Variants in DENND1A observed in about 807,000 individuals in gnomAD.
DENND1A encodes DENN domain containing 1A, also known as DENN domain-containing protein 1A.
Under a neutral mutation model 113.7 loss-of-function variants are expected in DENND1A, and 51 were observed. The ratio of observed to expected loss-of-function variants is 0.45; its 90% CI spans 0.36 to 0.57. DENND1A has a LOEUF of 0.57. DENND1A is among the 20% of genes least tolerant of loss of function. The pLI is 0.00. For synonymous variants in DENND1A, 565 were observed against 570.8 expected, an observed-to-expected ratio of 0.99 and a Z score of 0.14; for missense variants, 1,258 against 1,395.9, an observed-to-expected ratio of 0.90 and a Z score of 1.57.
At chr9:123,476,368 TG>T (rs2049915807) in intron 13 of DENND1A, among the ~76,000 whole-genome samples, 1 of 152,130 alleles carries the variant, frequency 6.6e-6, no homozygotes, top group Admixed American at 6.5e-5. Context: ...CTTGGGCAAG[TG>T]TCTACCCAAG....
intron 2 of DENND1A, among the ~76,000 whole-genome samples, chr9:123,837,490 GA>G: frequency 6.6e-6 from 1 of 152,206 alleles, no homozygotes; most frequent in Non-Finnish European, 1.5e-5. Flanking sequence ...TCTGAAAACT[GA>G]AAAACCAAAC....
chr9:123,424,264 C>T (rs77519162), intron 19 of DENND1A, among the ~76,000 whole-genome samples: 4 of 152,246 alleles, frequency 2.6e-5, no homozygotes, highest in East Asian at 3.9e-4. Context: ...CCCTTCCTCA[C>T]GGACTGTACT....
intron 1 of DENND1A, among the ~76,000 whole-genome samples, chr9:123,894,376 T>G (rs1401477371): frequency 6.6e-6 from 1 of 152,220 alleles, no homozygotes; most frequent in East Asian, 1.9e-4. Flanking sequence ...TTATGAGTAA[T>G]CTAAATACAC....
Position 123,654,465 on chromosome 9 carries a change from G to A in DENND1A, c.508-2342C>T, listed in dbSNP as rs138025095. Among the ~76,000 whole-genome samples the A allele has an allele frequency of 1.2e-4, 19 of 152,112 alleles. No individual in the cohort carries two copies. The East Asian group carries it at 2.9e-3, about 23-fold the overall frequency. On this transcript the variant is annotated intron_variant, in intron 8 of 23. Coordinates refer to ENST00000394215, the MANE Select transcript of DENND1A (RefSeq NM_001352964.2). ...TGCCGTCCAAATAGGGAGACACAGC[G>A]TCAGAGACAAATCCTGCGCCTTATT...
intron 1 of DENND1A, chr9:123,929,016 G>T (rs952444354): frequency 1.6e-6 from 1 of 644,654 alleles, no homozygotes. Context: ...GGCAGAGGAA[G>T]GGAGAGGCCA....
At chr9:123,554,154 C>T (rs929255971) in intron 13 of DENND1A, among the ~76,000 whole-genome samples, 40 of 152,220 alleles carry the variant, frequency 2.6e-4, no homozygotes, top group African/African-American at 8.0e-4. Flanking sequence ...ATCCTCCCCC[C>T]GATGCAGCCA....
At chr9:123,521,421 C>T (rs1253793467) in intron 13 of DENND1A, among the ~76,000 whole-genome samples, 2 of 152,182 alleles carry the variant, frequency 1.3e-5, no homozygotes, top group African/African-American at 4.8e-5. Context: ...GGGCAAGTCA[C>T]TTACCTTCTT....
chr9:123,873,277 T>G (rs1236860540), intron 2 of DENND1A, among the ~76,000 whole-genome samples: 2 of 152,190 alleles, frequency 1.3e-5, no homozygotes, highest in Non-Finnish European at 2.9e-5. Context: ...TGTACTCAAA[T>G]TTTATTTGTA....
In DENND1A at chr9:123,411,756, C is replaced by A; in HGVS notation, c.1542+20G>T. 1.0e-6 allele frequency: 1 copy of A among 985,898 alleles called. No homozygotes were observed. The highest frequency in any genetic ancestry group is 1.2e-6 in the Non-Finnish European group (1 of 829,988). The allele number at this position is 985,898 out of a possible 1,614,324, so 61.1% of individuals were successfully genotyped here. ...CTCAGGCAGTGTTAGGTGGGGAGGG[C>A]AGAACCACCAGCTACTCACGGGCCT... On this transcript the variant is annotated intron_variant, in intron 20 of 23. Transcript: ENST00000394215.
At chr9:123,685,485 T>C (rs1242899581) in intron 5 of DENND1A, among the ~76,000 whole-genome samples, 1 of 152,160 alleles carries the variant, frequency 6.6e-6, no homozygotes, top group Non-Finnish European at 1.5e-5. Context: ...CACCAAAAAC[T>C]CCCATAAAAC....
intron 1 of DENND1A, among the ~76,000 whole-genome samples, chr9:123,891,324 G>A (rs889899542): frequency 6.6e-6 from 1 of 152,130 alleles, no homozygotes; most frequent in African/African-American, 2.4e-5. Context: ...CATGGAACTC[G>A]TGCTCTTAAC....
At chr9:123,915,787 G>C (rs1778347679) in intron 1 of DENND1A, among the ~76,000 whole-genome samples, 1 of 152,152 alleles carries the variant, frequency 6.6e-6, no homozygotes, top group East Asian at 1.9e-4. Flanking sequence ...GTAGAGGATT[G>C]TTGCTTATCA....
intron 3 of DENND1A, among the ~76,000 whole-genome samples, chr9:123,773,975 T>C (rs1830105148): frequency 6.6e-6 from 1 of 152,134 alleles, no homozygotes. Context: ...AAAGCCGATA[T>C]AGCAGTTGAT....
chr9:123,618,618 A>G (rs1236255413), intron 10 of DENND1A, among the ~76,000 whole-genome samples: 5 of 152,338 alleles, frequency 3.3e-5, no homozygotes, highest in Non-Finnish European at 7.4e-5. Flanking sequence ...TACAGTAGCC[A>G]GGAGGTGGTT....
chr9:123,404,353 G>T (rs2043759998), intron 20 of DENND1A, among the ~76,000 whole-genome samples: 1 of 152,232 alleles, frequency 6.6e-6, no homozygotes, highest in East Asian at 1.9e-4. Context: ...TTTAAATTTG[G>T]CATGGCCATC....
chr9:123,727,715 A>G (rs1374731459), intron 5 of DENND1A, among the ~76,000 whole-genome samples: 10 of 123,946 alleles, frequency 8.1e-5, no homozygotes, highest in Admixed American at 7.7e-4. Flanking sequence ...TAAGGGAAAG[A>G]AAAAAAAAAG....
rs147946987 is a variant in DENND1A, at chr9:123,473,226, C to A, written c.994-15329G>T. 2.8e-3 allele frequency among the ~76,000 whole-genome samples: 425 copies of A among 152,184 alleles called. 2 individuals are homozygous for A. Among genetic ancestry groups the A allele is most frequent in the Non-Finnish European group, 5.1e-3 (344 of 68,020 alleles). On this transcript the variant is annotated intron_variant, in intron 13 of 23. Transcript: ENST00000394215. ...AACAGGAACATTTCTGAAGAAGAGG[C>A]ACACAGGGTGGAGAGCCAGACAGGC...
chr9:123,710,504 C>T (rs1034668047), intron 5 of DENND1A, among the ~76,000 whole-genome samples: 1 of 146,494 alleles, frequency 6.8e-6, no homozygotes, highest in African/African-American at 2.5e-5. Context: ...AGTGCAGCTA[C>T]GCTGCTGAGT....
chr9:123,833,215 C>T (rs923660667), intron 2 of DENND1A, among the ~76,000 whole-genome samples: 1 of 143,414 alleles, frequency 7.0e-6, no homozygotes, highest in Non-Finnish European at 1.5e-5. Flanking sequence ...TTTGGAAAGA[C>T]ACATAAGGAT....
Sources: gnomAD v4.1 joint callset for allele counts (sites outside exome capture counted in the v4.1 genomes callset) on GRCh38, gnomAD v4.1.1 for gene constraint, MANE v1.5 for transcripts, NCBI Gene and HGNC (gene_info 2026-07-23, HGNC 2026-07-21) for gene names.